The following TMEM74 variants were observed in gnomAD, a reference collection of about 807,000 sequenced individuals.
TMEM74 encodes the protein transmembrane protein 74.
A neutral mutation model predicts 18.1 loss-of-function variants in TMEM74; 13 were observed. That is an observed-to-expected ratio of 0.72 (90% CI 0.47 to 1.14). The LOEUF (loss-of-function observed/expected upper bound fraction) is 1.14. TMEM74 is among the 50% of genes most tolerant of loss of function. TMEM74 has a pLI of 0.00. For missense variants in TMEM74, 372 were observed against 375.9 expected (o/e 0.99, Z 0.09); for synonymous variants, 159 against 146.6 (o/e 1.08, Z -0.61).
intron 2 of TMEM74, among the ~76,000 whole-genome samples, chr8:108,629,806 G>C (rs2130551161): frequency 6.6e-6 from 1 of 152,036 alleles, no homozygotes; most frequent in East Asian, 1.9e-4. Context: ...TCACCACCAG[G>C]CCTGCCTTAC....
At chr8:108,715,581 T>G (rs1435580018) in intron 1 of TMEM74, among the ~76,000 whole-genome samples, 1 of 152,122 alleles carries the variant, frequency 6.6e-6, no homozygotes, top group Non-Finnish European at 1.5e-5. Flanking sequence ...GTTTATGTCA[T>G]GTAATAATGA....
chr8:108,632,067 A>G (rs1490445809), intron 2 of TMEM74, among the ~76,000 whole-genome samples: 1 of 152,022 alleles, frequency 6.6e-6, no homozygotes, highest in Non-Finnish European at 1.5e-5. Flanking sequence ...AGAAGGCCAC[A>G]GTAGAGATTA....
chr8:108,696,822 CACAAA>C (rs1433192503), intron 1 of TMEM74, among the ~76,000 whole-genome samples: 4 of 152,160 alleles, frequency 2.6e-5, no homozygotes, highest in African/African-American at 9.7e-5. Flanking sequence ...AATTTGTGTA[CACAAA>C]ACAAACTAGT....
chr8:108,743,465 G>C (rs560126620), intron 1 of TMEM74, among the ~76,000 whole-genome samples: 4 of 152,160 alleles, frequency 2.6e-5, no homozygotes, highest in African/African-American at 9.6e-5. Context: ...TGATTTTATT[G>C]ATTAGAAAAA....
chr8:108,700,456 T>G (rs1813324079), intron 1 of TMEM74, among the ~76,000 whole-genome samples: 1 of 151,376 alleles, frequency 6.6e-6, no homozygotes, highest in African/African-American at 2.4e-5. Context: ...ATGGCCTTGA[T>G]GAGCATCCAA....
chr8:108,746,243 C>T (rs968871799), intron 1 of TMEM74, among the ~76,000 whole-genome samples: 10 of 152,156 alleles, frequency 6.6e-5, no homozygotes, highest in African/African-American at 2.4e-4. Context: ...GTTCCAGTTG[C>T]ATTTCCCATC....
intron 1 of TMEM74, among the ~76,000 whole-genome samples, chr8:108,662,076 AT>A (rs2130581962): frequency 6.6e-6 from 1 of 152,242 alleles, no homozygotes; most frequent in South Asian, 2.1e-4. Context: ...GCAGCTGAAG[AT>A]TACCTTATAC....
At chr8:108,709,496 G>T (rs780343967) in intron 1 of TMEM74, among the ~76,000 whole-genome samples, 1 of 152,136 alleles carries the variant, frequency 6.6e-6, no homozygotes, top group East Asian at 1.9e-4. Context: ...TAGAAACAGA[G>T]AATACAGTAG....
At chr8:108,612,169 GA>G (rs1249067912) in intron 2 of TMEM74, among the ~76,000 whole-genome samples, 1 of 151,946 alleles carries the variant, frequency 6.6e-6, no homozygotes, top group East Asian at 1.9e-4. Context: ...TTTAGGTGGG[GA>G]CACAGCCAAA....
intron 2 of TMEM74, among the ~76,000 whole-genome samples, chr8:108,645,717 C>G (rs1461424867): frequency 1.3e-5 from 2 of 152,068 alleles, no homozygotes; most frequent in African/African-American, 4.8e-5. Context: ...ACAGACACAA[C>G]AGAGGAATCA....
chr8:108,777,195 T>C (rs1814243561), downstream of TMEM74, among the ~76,000 whole-genome samples: 1 of 152,216 alleles, frequency 6.6e-6, no homozygotes, highest in South Asian at 2.1e-4. Flanking sequence ...TCAGATCATC[T>C]GTCTCCATGG....
intron 1 of TMEM74, among the ~76,000 whole-genome samples, chr8:108,689,797 G>A (rs1398487691): frequency 1.3e-5 from 2 of 152,126 alleles, no homozygotes; most frequent in African/African-American, 2.4e-5. Context: ...CACCTGAATT[G>A]CAGTTGGCAA....
intron 1 of TMEM74, among the ~76,000 whole-genome samples, chr8:108,656,236 G>A (rs752941562): frequency 6.6e-6 from 1 of 152,170 alleles, no homozygotes; most frequent in African/African-American, 2.4e-5. Flanking sequence ...TGCTCTAGTG[G>A]ACCATATGGA....
At chr8:108,638,992 A>G (rs1001673070) in intron 2 of TMEM74, among the ~76,000 whole-genome samples, 5 of 152,144 alleles carry the variant, frequency 3.3e-5, no homozygotes, top group Non-Finnish European at 5.9e-5. Flanking sequence ...TGCCACCACC[A>G]GTGAACAGGC....
At chr8:108,689,712 T>C (rs1439027033) in intron 1 of TMEM74, among the ~76,000 whole-genome samples, 1 of 152,170 alleles carries the variant, frequency 6.6e-6, no homozygotes, top group Non-Finnish European at 1.5e-5. Flanking sequence ...GACCAACACA[T>C]ATGGCTTTCT....
chr8:108,748,133 C>T (rs10426335), intron 1 of TMEM74, among the ~76,000 whole-genome samples: 6 of 152,102 alleles, frequency 3.9e-5, no homozygotes, highest in Admixed American at 6.6e-5. Flanking sequence ...TTTGAGGAAT[C>T]GCCACACTGT....
intron 1 of TMEM74, among the ~76,000 whole-genome samples, chr8:108,678,942 C>A (rs1049440002): frequency 6.9e-6 from 1 of 145,060 alleles, no homozygotes; most frequent in Admixed American, 7.1e-5. Context: ...GTTCCCCTTC[C>A]TGCGTCCATG....
chr8:108,664,820 C>G (rs1327827169), intron 1 of TMEM74, among the ~76,000 whole-genome samples: 1 of 151,994 alleles, frequency 6.6e-6, no homozygotes, highest in Non-Finnish European at 1.5e-5. Context: ...AGTGGCAAAG[C>G]CAGGTCTAGA....
At chr8:108,619,323 T>C (rs1356801754) in intron 2 of TMEM74, among the ~76,000 whole-genome samples, 12 of 152,222 alleles carry the variant, frequency 7.9e-5, no homozygotes, top group Admixed American at 7.9e-4. Flanking sequence ...GAAGTTCAGT[T>C]ACTGAAAGTT....
Sources: gnomAD v4.1 joint callset for allele counts (sites outside exome capture counted in the v4.1 genomes callset) on GRCh38, gnomAD v4.1.1 for gene constraint, MANE v1.5 for transcripts, NCBI Gene and HGNC (gene_info 2026-07-23, HGNC 2026-07-21) for gene names.